Variants in AFAP1 observed in about 807,000 individuals in gnomAD.
The protein encoded by AFAP1 is actin filament-associated protein 1.
A neutral mutation model predicts 93.9 loss-of-function variants in AFAP1; 75 were observed. The ratio of observed to expected loss-of-function variants is 0.80; its 90% confidence interval spans 0.66 to 0.97. The LOEUF is 0.97. AFAP1 is among the 50% of genes least tolerant of loss of function. The pLI, the probability that AFAP1 is intolerant of heterozygous loss-of-function variation, is 0.00. For synonymous variants in AFAP1, 517 were observed against 430.7 expected, an observed-to-expected ratio of 1.20 and a Z score of -2.48; for missense variants, 1,201 against 1,050.8, an observed-to-expected ratio of 1.14 and a Z score of -1.98.
chr4:7,888,402 A>G (rs960010819), intron 1 of AFAP1, among the ~76,000 whole-genome samples: 1 of 152,180 alleles, frequency 6.6e-6, no homozygotes, highest in African/African-American at 2.4e-5. Flanking sequence ...CTCCTATTAC[A>G]AGGATCAGTA....
At chr4:7,898,700 T>G (rs1311074450) in intron 1 of AFAP1, among the ~76,000 whole-genome samples, 1 of 150,792 alleles carries the variant, frequency 6.6e-6, no homozygotes, top group Non-Finnish European at 1.5e-5. Flanking sequence ...GAACCCATCC[T>G]GTCTTTCCCC....
chr4:7,837,814 T>C (rs868044716), intron 6 of AFAP1, among the ~76,000 whole-genome samples: 1 of 152,094 alleles, frequency 6.6e-6, no homozygotes, highest in South Asian at 2.1e-4. Context: ...AGCTCATGAG[T>C]TTGAGACCAG....
At chr4:7,914,263 C>G (rs1719937586) in intron 1 of AFAP1, among the ~76,000 whole-genome samples, 1 of 152,104 alleles carries the variant, frequency 6.6e-6, no homozygotes, top group Non-Finnish European at 1.5e-5. Context: ...CCACGTTGGC[C>G]AGGCTGGTCT....
At chr4:7,868,817 T>C in intron 2 of AFAP1, 98 bp from the exon 3 acceptor site, 2 of 1,028,508 alleles carry the variant, frequency 1.9e-6, no homozygotes, top group African/African-American at 1.6e-5. Context: ...TTGAACACTT[T>C]GCAAATATTT....
At position 7,793,712 on chromosome 4, in the gene AFAP1, T is replaced by C. The variant is rs760384805; in HGVS notation, c.1381A>G (p.Ser461Gly). The C allele has an allele frequency of 4.4e-6, 7 of 1,573,276 alleles. No homozygotes were observed. The Admixed American group carries it at 5.0e-5, about 11-fold the overall frequency. The change falls in exon 11 of 18, where the codon AGT (serine) becomes GGT (glycine). Residue 461 changes from serine (S) to glycine (G), a missense_variant. Coordinates refer to ENST00000420658, the MANE Select transcript of AFAP1 (RefSeq NM_001134647.2). ...YDYIDVEMSASVIQTAKQTFC... is the reference protein window; with the variant it reads ...YDYIDVEMSAGVIQTAKQTFC... ...GTCTGTTTGGCTGTCTGAATGACAC[T>C]TGCAGACATCTCCACATCAATGTAG... is the stretch of plus-strand genomic sequence containing the variant.
At chr4:7,938,128 C>T in intron 1 of AFAP1, among the ~76,000 whole-genome samples, 1 of 152,086 alleles carries the variant, frequency 6.6e-6, no homozygotes, top group South Asian at 2.1e-4. Flanking sequence ...GAGTCCATAG[C>T]AATGGGTCGG....
intron 1 of AFAP1, among the ~76,000 whole-genome samples, chr4:7,930,866 T>C (rs1438520389): frequency 1.3e-5 from 2 of 152,106 alleles, no homozygotes; most frequent in East Asian, 3.9e-4. Context: ...TTCTTGTGCC[T>C]CACCCTCCTG....
chr4:7,925,160 T>C lies in AFAP1; in HGVS notation c.-3+14496A>G, dbSNP rs1041483180. Among the ~76,000 whole-genome samples, 3 of 149,862 alleles carry C rather than the reference T, an allele frequency of 2.0e-5. No individual in the cohort carries two copies. The South Asian group carries it at 6.4e-4, about 32-fold the overall frequency. ...TCCTCATAGGGTCGGCCTTCCTTTA[T>C]TTCCCCCAAAGAATAAGTCTTAAAT... is the stretch of plus-strand genomic sequence containing the variant. On this transcript the variant is annotated intron_variant, in intron 1 of 17. Transcript: ENST00000420658.
Position 7,763,572 on chromosome 4 carries a change from T to C in AFAP1, c.*193A>G, listed in dbSNP as rs940172159. ...TGGGAACCAAAGTCTTACATCTTTT[T>C]TAAAGGCGCCATTTTACAGTAGAAA... is the stretch of plus-strand genomic sequence containing the variant. On this transcript the variant is annotated 3_prime_UTR_variant, in exon 18 of 18. Transcript: ENST00000420658. 2.5e-5 allele frequency: 15 copies of C among 601,944 alleles called. No homozygotes were observed. The highest frequency in any genetic ancestry group is 1.3e-4 in the Admixed American group (4 of 30,898). 37.3% of individuals were successfully genotyped at this position (601,944 alleles called of 1,614,324 possible). A position where few individuals can be genotyped will look rare whatever the true frequency, so the allele number is the denominator to read the frequency against.
intron 4 of AFAP1, among the ~76,000 whole-genome samples, chr4:7,852,623 CCCA>C (rs1714576814): frequency 6.6e-6 from 1 of 152,056 alleles, no homozygotes; most frequent in Non-Finnish European, 1.5e-5. Flanking sequence ...AGCTGAATCA[CCCA>C]CCAAGAAAAA....
intron 1 of AFAP1, among the ~76,000 whole-genome samples, chr4:7,881,070 T>C (rs1242335137): frequency 6.6e-6 from 1 of 152,234 alleles, no homozygotes; most frequent in African/African-American, 2.4e-5. Context: ...CCTTCCCATA[T>C]GGTTCTTCCC....
At chr4:7,933,350 C>A (rs975250980) in intron 1 of AFAP1, among the ~76,000 whole-genome samples, 3 of 152,012 alleles carry the variant, frequency 2.0e-5, no homozygotes, top group African/African-American at 7.3e-5. Flanking sequence ...CAAGTTGGGC[C>A]GATCACGAGG....
chr4:7,787,563 G>C (rs1282642341), intron 11 of AFAP1, among the ~76,000 whole-genome samples: 2 of 152,174 alleles, frequency 1.3e-5, no homozygotes, highest in African/African-American at 2.4e-5. Flanking sequence ...ACTGAGGGTT[G>C]AGTTCATGTA....
At chr4:7,810,694 T>A (rs901268724) in intron 8 of AFAP1, among the ~76,000 whole-genome samples, 5 of 152,244 alleles carry the variant, frequency 3.3e-5, no homozygotes, top group Admixed American at 3.3e-4. Flanking sequence ...ATAAAAATGA[T>A]GCCTGGCTTC....
chr4:7,899,395 G>C (rs752558940), intron 1 of AFAP1, among the ~76,000 whole-genome samples: 2 of 152,152 alleles, frequency 1.3e-5, no homozygotes, highest in Non-Finnish European at 2.9e-5. Flanking sequence ...GTTAAGAACC[G>C]TTTGTCAGTC....
At chr4:7,902,882 G>T (rs913624622) in intron 1 of AFAP1, among the ~76,000 whole-genome samples, 1 of 152,150 alleles carries the variant, frequency 6.6e-6, no homozygotes, top group East Asian at 1.9e-4. Flanking sequence ...CTGATTCTAG[G>T]CCACAACAGC....
intron 5 of AFAP1, among the ~76,000 whole-genome samples, chr4:7,841,051 G>A (rs1400502661): frequency 6.6e-6 from 1 of 152,214 alleles, no homozygotes; most frequent in Non-Finnish European, 1.5e-5. Flanking sequence ...TATGCAATCA[G>A]CAATAGGGAC....
At chr4:7,809,823 A>C (rs1028689723) in intron 8 of AFAP1, 60 bp from the exon 9 acceptor site, 7 of 1,557,836 alleles carry the variant, frequency 4.5e-6, no homozygotes, top group Non-Finnish European at 6.1e-6. Context: ...ATTGAAAAAA[A>C]AAACATACAT....
intron 1 of AFAP1, among the ~76,000 whole-genome samples, chr4:7,902,891 G>A (rs1714902192): frequency 6.6e-6 from 1 of 152,168 alleles, no homozygotes; most frequent in African/African-American, 2.4e-5. Context: ...GGCCACAACA[G>A]CTCTTCATAC....
Sources: gnomAD v4.1 joint callset for allele counts (sites outside exome capture counted in the v4.1 genomes callset) on GRCh38, gnomAD v4.1.1 for gene constraint, MANE v1.5 for transcripts, NCBI Gene and HGNC (gene_info 2026-07-23, HGNC 2026-07-21) for gene names.